TAFA1: variants seen among roughly 807,000 people sequenced by gnomAD.
TAFA1 encodes TAFA chemokine like family member 1, also known as chemokine-like protein TAFA-1.
In TAFA1, 4 loss-of-function variants were observed where a neutral mutation model predicts 18.5. That is an observed-to-expected ratio of 0.22 (90% confidence interval 0.11 to 0.49). The LOEUF (loss-of-function observed/expected upper bound fraction) is 0.49. Among genes scored for constraint, TAFA1 ranks in the 20% least tolerant of loss-of-function variants. The pLI is 0.98. For synonymous variants in TAFA1, 56 were observed against 55.2 expected (o/e 1.01, Z -0.06); for missense variants, 147 against 169.0 (o/e 0.87, Z 0.72).
chr3:68,286,685 T>C (rs1559599944), intron 2 of TAFA1, among the ~76,000 whole-genome samples: 2 of 152,206 alleles, frequency 1.3e-5, no homozygotes, highest in African/African-American at 2.4e-5. Context: ...AATTGAGTTA[T>C]GGAGAGGTCA....
chr3:68,127,266 A>G (rs2065474866), intron 2 of TAFA1, among the ~76,000 whole-genome samples: 1 of 152,176 alleles, frequency 6.6e-6, no homozygotes, highest in African/African-American at 2.4e-5. Context: ...GACTAATAAT[A>G]AAACGTTAAG....
chr3:68,065,708 A>G (rs1191150598), intron 2 of TAFA1, among the ~76,000 whole-genome samples: 1 of 144,986 alleles, frequency 6.9e-6, no homozygotes, highest in Non-Finnish European at 1.5e-5. Context: ...ATATGTGTGT[A>G]TACATAGATG....
Position 68,039,272 on chromosome 3 carries a change from A to G in TAFA1, c.118+32528A>G, listed in dbSNP as rs116731282. 3.1e-3 allele frequency among the ~76,000 whole-genome samples: 476 copies of G among 152,308 alleles called. 4 individuals are homozygous for G. The highest frequency in any genetic ancestry group is 0.011 in the African/African-American group (460 of 41,570). On this transcript the variant is annotated intron_variant, in intron 2 of 4. Transcript: ENST00000478136. ...TTCATAGATGATTTTACTCATATTAATATTAGCAATTATGCATATTTCTAA... is the reference window on the plus strand; with the variant it reads ...TTCATAGATGATTTTACTCATATTAGTATTAGCAATTATGCATATTTCTAA...
chr3:68,202,926 T>C lies in TAFA1; in HGVS notation c.118+196182T>C, dbSNP rs1267753151. Among the ~76,000 whole-genome samples, 6 of 151,756 alleles carry C rather than the reference T, an allele frequency of 4.0e-5. No individual in the cohort carries two copies. The East Asian group carries it at 9.7e-4, about 25-fold the overall frequency. Reference sequence around the variant, plus strand: ...CCTTGTCTTTTCTTAATAGATCTTTTTAAATAGAGTTTCTGACCCATATTT... The same window carrying C: ...CCTTGTCTTTTCTTAATAGATCTTTCTAAATAGAGTTTCTGACCCATATTT... On this transcript the variant is annotated intron_variant, in intron 2 of 4. Transcript: ENST00000478136.
At chr3:68,219,008 T>G (rs2066698188) in intron 2 of TAFA1, among the ~76,000 whole-genome samples, 2 of 151,568 alleles carry the variant, frequency 1.3e-5, no homozygotes, top group African/African-American at 2.4e-5. Context: ...AAGCATTCTT[T>G]TTTTTTTTTG....
At chr3:68,472,243 A>G (rs768990374) in intron 3 of TAFA1, among the ~76,000 whole-genome samples, 2 of 152,086 alleles carry the variant, frequency 1.3e-5, no homozygotes, top group Non-Finnish European at 2.9e-5. Flanking sequence ...GTCTCACAAG[A>G]TCTGATGGTT....
chr3:68,171,821 A>C (rs1382784447), intron 2 of TAFA1, among the ~76,000 whole-genome samples: 5 of 152,176 alleles, frequency 3.3e-5, no homozygotes, highest in African/African-American at 7.2e-5. Context: ...ATCAATGGCA[A>C]ATCAAGTAGC....
In TAFA1 at chr3:68,248,361, A is replaced by G. The variant is rs562220770; in HGVS notation, c.119-168919A>G. 2.6e-5 allele frequency among the ~76,000 whole-genome samples: 4 copies of G among 152,280 alleles called. No individual in the cohort carries two copies. In the South Asian group the frequency reaches 8.3e-4, roughly 32 times the overall value. ...GTAAGTAGAAACACTTGATAAAGCT[A>G]TATAATTGTAGATCATTAGTGGGGA... On this transcript the variant is annotated intron_variant, in intron 2 of 4. Transcript: ENST00000478136.
At chr3:68,050,999 C>A (rs1160461543) in intron 2 of TAFA1, among the ~76,000 whole-genome samples, 1 of 152,136 alleles carries the variant, frequency 6.6e-6, no homozygotes, top group Non-Finnish European at 1.5e-5. Flanking sequence ...AGCACACATA[C>A]TAAAAGTACA....
At chr3:68,539,872 G>T (rs943241650) in intron 4 of TAFA1, among the ~76,000 whole-genome samples, 45 of 151,976 alleles carry the variant, frequency 3.0e-4, no homozygotes, top group Non-Finnish European at 5.7e-4. Flanking sequence ...CTATCTTCCT[G>T]CTTCAGTCTC....
chr3:68,383,748 G>A (rs753890830), intron 2 of TAFA1, among the ~76,000 whole-genome samples: 5 of 152,066 alleles, frequency 3.3e-5, no homozygotes, highest in African/African-American at 1.2e-4. Flanking sequence ...GTTTCATCAG[G>A]AATGGTATCA....
intron 2 of TAFA1, among the ~76,000 whole-genome samples, chr3:68,052,739 A>G (rs762862129): frequency 6.6e-6 from 1 of 152,186 alleles, no homozygotes; most frequent in Non-Finnish European, 1.5e-5. Context: ...AACATCCTCT[A>G]TCTGACTCAC....
intron 2 of TAFA1, among the ~76,000 whole-genome samples, chr3:68,075,068 C>A (rs1243297017): frequency 6.6e-6 from 1 of 152,114 alleles, no homozygotes; most frequent in Non-Finnish European, 1.5e-5. Flanking sequence ...AGAGCCAGGG[C>A]CAATAGACAC....
At chr3:68,162,069 A>AGC (rs2065931548) in intron 2 of TAFA1, among the ~76,000 whole-genome samples, 1 of 152,188 alleles carries the variant, frequency 6.6e-6, no homozygotes, top group Non-Finnish European at 1.5e-5. Flanking sequence ...TCTTTATAGA[A>AGC]AACATTTGCC....
chr3:68,164,701 G>T (rs919636420), intron 2 of TAFA1, among the ~76,000 whole-genome samples: 1 of 150,430 alleles, frequency 6.6e-6, no homozygotes, highest in East Asian at 2.0e-4. Flanking sequence ...TAGTTCTTAG[G>T]GTTAGCTCTC....
intron 2 of TAFA1, among the ~76,000 whole-genome samples, chr3:68,256,019 T>C (rs1027470806): frequency 4.3e-4 from 66 of 152,146 alleles, no homozygotes; most frequent in Non-Finnish European, 3.8e-4. Context: ...AGTATTTATC[T>C]TTGATAAATA....
chr3:68,457,699 T>C (rs1490211589), intron 3 of TAFA1, among the ~76,000 whole-genome samples: 3 of 152,186 alleles, frequency 2.0e-5, no homozygotes, highest in Non-Finnish European at 2.9e-5. Flanking sequence ...TATAATACAT[T>C]GTCATTAACT....
intron 2 of TAFA1, among the ~76,000 whole-genome samples, chr3:68,017,442 C>T (rs1704593623): frequency 6.6e-6 from 1 of 152,198 alleles, no homozygotes; most frequent in South Asian, 2.1e-4. Context: ...GTTGCTCACA[C>T]AGAGCCTAGA....
At chr3:68,067,604 A>T (rs1330010092) in intron 2 of TAFA1, among the ~76,000 whole-genome samples, 2 of 152,136 alleles carry the variant, frequency 1.3e-5, no homozygotes, top group African/African-American at 2.4e-5. Flanking sequence ...GTTTTACAGG[A>T]TTATTTTTAC....
Sources: gnomAD v4.1 joint callset for allele counts (sites outside exome capture counted in the v4.1 genomes callset) on GRCh38, gnomAD v4.1.1 for gene constraint, MANE v1.5 for transcripts, NCBI Gene and HGNC (gene_info 2026-07-23, HGNC 2026-07-21) for gene names.